The following GABRB3 variants were observed in gnomAD, a reference collection of about 807,000 sequenced individuals.
GABRB3 encodes gamma-aminobutyric acid type A receptor subunit beta3.
Under a neutral mutation model 52.1 loss-of-function variants are expected in GABRB3, and 14 were observed. That is an observed-to-expected ratio of 0.27 (90% confidence interval 0.18 to 0.42). The LOEUF is 0.42. Ranked by LOEUF, GABRB3 falls within the 10% of genes least tolerant of loss-of-function variation. The pLI is 1.00. For synonymous variants in GABRB3, 260 were observed against 232.3 expected (o/e 1.12, Z -1.08); for missense variants, 307 against 609.1 (o/e 0.50, Z 5.22).
chr15:26,759,210 A>T (rs1890744609), intron 3 of GABRB3, among the ~76,000 whole-genome samples: 1 of 152,062 alleles, frequency 6.6e-6, no homozygotes, highest in African/African-American at 2.4e-5. Context: ...TGTATATAAA[A>T]TTTTTTCATT....
chr15:26,726,968 G>T (rs1013641655), intron 3 of GABRB3, among the ~76,000 whole-genome samples: 3 of 152,172 alleles, frequency 2.0e-5, no homozygotes, highest in African/African-American at 7.2e-5. Context: ...AGACCAGCCT[G>T]ACCAACATGG....
At chr15:26,608,528 T>C (rs1304569421) in intron 4 of GABRB3, among the ~76,000 whole-genome samples, 1 of 152,076 alleles carries the variant, frequency 6.6e-6, no homozygotes. Flanking sequence ...CTGGAAGACA[T>C]ATGTGCAAGC....
intron 8 of GABRB3, 27 bp from the exon 9 acceptor site, chr15:26,548,161 T>TA: frequency 1.3e-6 from 2 of 1,563,122 alleles, no homozygotes; most frequent in Non-Finnish European, 1.8e-6. Context: ...TGCACATGGT[T>TA]AGACAGCCAG....
At chr15:26,661,346 C>T (rs963800246) in intron 3 of GABRB3, among the ~76,000 whole-genome samples, 12 of 152,142 alleles carry the variant, frequency 7.9e-5, no homozygotes, top group Admixed American at 3.3e-4. Context: ...CGCACACACA[C>T]GCACACAATT....
chr15:26,637,732 G>C (rs1291003675), intron 3 of GABRB3, among the ~76,000 whole-genome samples: 1 of 152,232 alleles, frequency 6.6e-6, no homozygotes, highest in Admixed American at 6.5e-5. Flanking sequence ...TCTTGGGGCA[G>C]ACATTGTCTT....
chr15:26,622,026 T>A (rs988376943), intron 3 of GABRB3, among the ~76,000 whole-genome samples: 30 of 152,228 alleles, frequency 2.0e-4, no homozygotes, highest in African/African-American at 6.3e-4. Flanking sequence ...TCCATAAACA[T>A]CCTCTGGAGA....
chr15:26,700,795 C>T (rs929067291), intron 3 of GABRB3, among the ~76,000 whole-genome samples: 1 of 152,226 alleles, frequency 6.6e-6, no homozygotes, highest in African/African-American at 2.4e-5. Flanking sequence ...GTGGCTCACG[C>T]CTGTAATCCC....
chr15:26,557,908 T>G (rs1435710787), intron 8 of GABRB3: 2 of 152,224 alleles, frequency 1.3e-5, no homozygotes, highest in African/African-American at 4.8e-5. Flanking sequence ...TGTCTTTTTA[T>G]CTTAGATTTT....
intron 6 of GABRB3, among the ~76,000 whole-genome samples, chr15:26,568,946 G>A (rs1452216517): frequency 6.6e-6 from 1 of 152,096 alleles, no homozygotes; most frequent in African/African-American, 2.4e-5. Context: ...GGGCCAGCCA[G>A]TGAGAACCCA....
intron 8 of GABRB3, among the ~76,000 whole-genome samples, chr15:26,549,304 G>C (rs1889372626): frequency 1.3e-5 from 2 of 152,208 alleles, no homozygotes; most frequent in African/African-American, 4.8e-5. Context: ...CGCCGGGCCT[G>C]TATGGAGTTC....
At chr15:26,662,654 C>T (rs1001879962) in intron 3 of GABRB3, among the ~76,000 whole-genome samples, 3 of 152,112 alleles carry the variant, frequency 2.0e-5, no homozygotes, top group African/African-American at 4.8e-5. Context: ...ACGCACAGCT[C>T]GCCCCAGCAA....
At chr15:26,574,310 C>T (rs1031216112) in intron 6 of GABRB3, among the ~76,000 whole-genome samples, 5 of 152,086 alleles carry the variant, frequency 3.3e-5, no homozygotes, top group African/African-American at 4.8e-5. Context: ...CTATACTTCC[C>T]GTAGGAATAT....
chr15:26,672,662 T>C (rs536885749), intron 3 of GABRB3, among the ~76,000 whole-genome samples: 1 of 151,966 alleles, frequency 6.6e-6, no homozygotes, highest in Non-Finnish European at 1.5e-5. Context: ...AAAAAATTTT[T>C]CTTCCCTACA....
intron 3 of GABRB3, among the ~76,000 whole-genome samples, chr15:26,696,245 T>A (rs1257776792): frequency 2.6e-5 from 4 of 152,210 alleles, no homozygotes; most frequent in Non-Finnish European, 5.9e-5. Flanking sequence ...TATTTTTTTT[T>A]ATTTTAATAA....
At chr15:26,696,561 G>A (rs1888746928) in intron 3 of GABRB3, among the ~76,000 whole-genome samples, 1 of 152,136 alleles carries the variant, frequency 6.6e-6, no homozygotes, top group Admixed American at 6.5e-5. Flanking sequence ...TACTCAGTCA[G>A]AATGGATTTT....
At chr15:26,629,400 G>C (rs1892845699) in intron 3 of GABRB3, among the ~76,000 whole-genome samples, 1 of 152,222 alleles carries the variant, frequency 6.6e-6, no homozygotes, top group South Asian at 2.1e-4. Context: ...GGGTGGGCCT[G>C]ATTAGATTAG....
At chr15:26,685,251 G>A (rs1484606323) in intron 3 of GABRB3, among the ~76,000 whole-genome samples, 6 of 152,146 alleles carry the variant, frequency 3.9e-5, no homozygotes, top group African/African-American at 7.2e-5. Flanking sequence ...CTCTCAGCTC[G>A]TCTTCTCAGT....
intron 3 of GABRB3, among the ~76,000 whole-genome samples, chr15:26,744,274 TTAGA>T (rs1890280859): frequency 1.3e-5 from 2 of 152,200 alleles, no homozygotes. Flanking sequence ...ACTTAAAAAA[TTAGA>T]TAGGCTGTAT....
intron 3 of GABRB3, among the ~76,000 whole-genome samples, chr15:26,711,328 G>A (rs718303): frequency 2.5e-3 from 378 of 152,158 alleles, no homozygotes; most frequent in Non-Finnish European, 3.5e-3. Context: ...TTTGATTCCC[G>A]GGTAGACACC....
Sources: allele counts gnomAD v4.1 joint callset (sites outside exome capture counted in the v4.1 genomes callset), GRCh38; gene constraint gnomAD v4.1.1; transcripts MANE v1.5; gene names NCBI Gene and HGNC (gene_info 2026-07-23, HGNC 2026-07-21).